The following SPON1 variants were observed in gnomAD, a reference collection of about 807,000 sequenced individuals.
SPON1 encodes the protein spondin-1.
In SPON1, 52 loss-of-function variants were observed where a neutral mutation model predicts 111.7. The ratio of observed to expected loss-of-function variants is 0.47; its 90% CI spans 0.37 to 0.59. SPON1 has a LOEUF of 0.59. Ranked by LOEUF, SPON1 falls within the 20% of genes least tolerant of loss-of-function variation. SPON1 has a pLI of 0.00. For missense variants in SPON1, 957 were observed against 1,068.5 expected, an observed-to-expected ratio of 0.90 and a Z score of 1.46; for synonymous variants, 410 against 395.8, an observed-to-expected ratio of 1.04 and a Z score of -0.43.
intron 6 of SPON1, among the ~76,000 whole-genome samples, chr11:14,223,666 G>A (rs1052999341): frequency 3.9e-5 from 6 of 152,082 alleles, no homozygotes; most frequent in Non-Finnish European, 8.8e-5. Context: ...TCACCACTCC[G>A]AATCCTGTCT....
intron 5 of SPON1, among the ~76,000 whole-genome samples, chr11:14,131,143 A>G (rs1258293225): frequency 6.6e-6 from 1 of 152,004 alleles, no homozygotes; most frequent in African/African-American, 2.4e-5. Context: ...TTTTCATCTA[A>G]TTTCTTTGTT....
chr11:14,262,687 C>T lies in SPON1; in HGVS notation c.1997-25C>T, dbSNP rs1419661282. 7 of 1,613,744 alleles carry T rather than the reference C, an allele frequency of 4.3e-6. No homozygotes were observed. In the East Asian group the frequency reaches 1.3e-4, roughly 31 times the overall value. ...TATCTTGTTTCAGACATGTGATACA[C>T]TCATGCCCATCTGTGTCTTGCCAGC... On this transcript the variant is annotated intron_variant, in intron 14 of 15. Coordinates refer to ENST00000576479, the MANE Select transcript of SPON1 (RefSeq NM_006108.4).
intron 2 of SPON1, among the ~76,000 whole-genome samples, chr11:14,014,235 G>T (rs782807144): frequency 6.6e-6 from 1 of 152,174 alleles, no homozygotes; most frequent in African/African-American, 2.4e-5. Flanking sequence ...TTAACAGCAA[G>T]TGAGATGGTA....
At chr11:14,037,149 T>C (rs575566070) in intron 2 of SPON1, among the ~76,000 whole-genome samples, 20 of 152,242 alleles carry the variant, frequency 1.3e-4, no homozygotes, top group African/African-American at 4.8e-4. Context: ...TTAGGGTACA[T>C]GTGCACAATG....
chr11:14,211,167 C>A lies in SPON1; in HGVS notation c.826-32165C>A, dbSNP rs566357831. 9.2e-5 allele frequency among the ~76,000 whole-genome samples: 14 copies of A among 152,172 alleles called. No homozygotes were observed. The East Asian group carries it at 2.5e-3, about 27-fold the overall frequency. ...AGAGAAAGAAATAAAGGGTATTCAA[C>A]TAGGAAAAGAGGAAGTCAAATTGTC... is the stretch of plus-strand genomic sequence containing the variant. On this transcript the variant is annotated intron_variant, in intron 6 of 15. Coordinates refer to ENST00000576479, the MANE Select transcript of SPON1 (RefSeq NM_006108.4).
At chr11:14,098,652 CAGAG>C (rs10586411) in intron 5 of SPON1, among the ~76,000 whole-genome samples, 11 of 146,232 alleles carry the variant, frequency 7.5e-5, no homozygotes, top group African/African-American at 1.5e-4. Context: ...ATATGAAAGG[CAGAG>C]AGAGAGAGAG....
chr11:14,201,292 A>G (rs1174155046), intron 6 of SPON1, among the ~76,000 whole-genome samples: 1 of 152,066 alleles, frequency 6.6e-6, no homozygotes, highest in Non-Finnish European at 1.5e-5. Flanking sequence ...ATGAGCCAAG[A>G]TCACGCCACT....
In SPON1 at chr11:14,123,124, G is replaced by A. The variant is rs368532532; in HGVS notation, c.677-12296G>A. On this transcript the variant is annotated intron_variant, in intron 5 of 15. Transcript: ENST00000576479. ...TTTTAAAAAAATTTTGTAGAGATGA[G>A]GCCTCACTATGTTGCCCAGGTTGAT... 1.6e-4 allele frequency among the ~76,000 whole-genome samples: 25 copies of A among 151,916 alleles called. 1 individual carries two copies. The South Asian group carries it at 5.2e-3, about 32-fold the overall frequency.
At position 14,255,685 on chromosome 11, in the gene SPON1, G is replaced by A; in HGVS notation, c.1131G>A (p.Arg377=). The change falls in exon 9 of 16, where the codon CGG becomes CGA. Residue 377 remains arginine (R), a synonymous_variant. Coordinates refer to ENST00000576479, the MANE Select transcript of SPON1 (RefSeq NM_006108.4). ...NKPTIPQEKI[R]PLTSLDHPQS... ...CCACCATTCCCCAGGAGAAAATCCGGCCCCTGACCAGCCTGGACCATCCTC... is the reference window on the plus strand; with the variant it reads ...CCACCATTCCCCAGGAGAAAATCCGACCCCTGACCAGCCTGGACCATCCTC... 1 of 1,613,884 alleles carries A rather than the reference G, an allele frequency of 6.2e-7. No homozygotes were observed. The highest frequency in any genetic ancestry group is 8.5e-7 in the Non-Finnish European group (1 of 1,179,840).
intron 5 of SPON1, among the ~76,000 whole-genome samples, chr11:14,096,710 G>T (rs988132608): frequency 6.6e-6 from 1 of 152,106 alleles, no homozygotes; most frequent in Non-Finnish European, 1.5e-5. Flanking sequence ...ACAACTCCCT[G>T]GGAGCTTCAC....
chr11:14,068,696 G>A (rs567785466), intron 3 of SPON1, among the ~76,000 whole-genome samples: 25 of 152,240 alleles, frequency 1.6e-4, no homozygotes, highest in Middle Eastern at 3.4e-3. Flanking sequence ...GTTACACCTG[G>A]TCAACCTCAT....
chr11:14,034,583 T>G (rs1429920087), intron 2 of SPON1, among the ~76,000 whole-genome samples: 3 of 152,218 alleles, frequency 2.0e-5, no homozygotes, highest in Admixed American at 2.0e-4. Flanking sequence ...ACAACCGTAT[T>G]TACCTGAGGT....
chr11:14,108,238 G>C (rs986972551), intron 5 of SPON1, among the ~76,000 whole-genome samples: 1 of 152,294 alleles, frequency 6.6e-6, no homozygotes, highest in Non-Finnish European at 1.5e-5. Flanking sequence ...AAAATGAGAC[G>C]ATGTATAAAT....
At chr11:13,973,467 C>A (rs1848079049) in intron 1 of SPON1, among the ~76,000 whole-genome samples, 2 of 152,198 alleles carry the variant, frequency 1.3e-5, no homozygotes, top group South Asian at 4.1e-4. Context: ...CTCCTGCTAT[C>A]CACGTGTTGT....
At chr11:14,144,591 C>T (rs907394891) in intron 6 of SPON1, among the ~76,000 whole-genome samples, 1 of 151,284 alleles carries the variant, frequency 6.6e-6, no homozygotes, top group Non-Finnish European at 1.5e-5. Context: ...GATTGTGCCA[C>T]TGCACTCTAG....
chr11:14,234,745 CAG>C (rs1848843292), intron 6 of SPON1, among the ~76,000 whole-genome samples: 1 of 152,204 alleles, frequency 6.6e-6, no homozygotes, highest in Non-Finnish European at 1.5e-5. Context: ...AAAACCATCT[CAG>C]GGGAAAATCA....
At chr11:14,183,266 G>A (rs1848253502) in intron 6 of SPON1, among the ~76,000 whole-genome samples, 1 of 152,128 alleles carries the variant, frequency 6.6e-6, no homozygotes, top group African/African-American at 2.4e-5. Flanking sequence ...CAATTTTGGA[G>A]ACACCAGGCA....
At chr11:14,233,585 T>A (rs1848827463) in intron 6 of SPON1, among the ~76,000 whole-genome samples, 1 of 152,138 alleles carries the variant, frequency 6.6e-6, no homozygotes, top group South Asian at 2.1e-4. Context: ...TAATTCATTA[T>A]TTATCCCTTA....
At chr11:14,143,604 A>C (rs1184453594) in intron 6 of SPON1, among the ~76,000 whole-genome samples, 1 of 151,784 alleles carries the variant, frequency 6.6e-6, no homozygotes, top group Non-Finnish European at 1.5e-5. Flanking sequence ...TAGAAGATAA[A>C]TTTATATTTC....
Sources: gnomAD v4.1 joint callset for allele counts (sites outside exome capture counted in the v4.1 genomes callset) on GRCh38, gnomAD v4.1.1 for gene constraint, MANE v1.5 for transcripts, NCBI Gene and HGNC (gene_info 2026-07-23, HGNC 2026-07-21) for gene names.